ST18: variants seen among roughly 807,000 people sequenced by gnomAD.
The protein encoded by ST18 is ST18 C2H2C-type zinc finger transcription factor, also known as suppression of tumorigenicity 18 protein.
A neutral mutation model predicts 110.0 loss-of-function variants in ST18; 50 were observed. The observed-to-expected ratio is 0.45, with a 90% CI of 0.36 to 0.58. ST18 has a LOEUF of 0.58. ST18 is among the 20% of genes least tolerant of loss of function. The probability of loss-of-function intolerance (pLI) is 0.00; values close to 1 mark genes in which losing one functional copy is unlikely to be tolerated. For synonymous variants in ST18, 461 were observed against 452.4 expected, an observed-to-expected ratio of 1.02 and a Z score of -0.24; for missense variants, 1,306 against 1,280.1, an observed-to-expected ratio of 1.02 and a Z score of -0.31.
chr8:52,248,580 T>C (rs548582134), intron 2 of ST18: 1 of 152,334 alleles, frequency 6.6e-6, no homozygotes, highest in Admixed American at 6.5e-5. Flanking sequence ...TAAGACTTTC[T>C]GGCAACTTCC....
At chr8:52,312,381 A>G (rs908505884) in intron 2 of ST18, among the ~76,000 whole-genome samples, 1 of 152,192 alleles carries the variant, frequency 6.6e-6, no homozygotes, top group Non-Finnish European at 1.5e-5. Context: ...TTTCAAAGGA[A>G]TTTCTATAAC....
chr8:52,136,730 G>T, intron 18 of ST18, 72 bp from the exon 19 acceptor site: 1 of 1,293,056 alleles, frequency 7.7e-7, no homozygotes, highest in Non-Finnish European at 1.1e-6. Flanking sequence ...GGCATCCTGA[G>T]TCGTGAACAT....
intron 2 of ST18, among the ~76,000 whole-genome samples, chr8:52,280,009 T>C (rs1282847739): frequency 6.6e-6 from 1 of 152,058 alleles, no homozygotes; most frequent in Non-Finnish European, 1.5e-5. Flanking sequence ...TTGGGGGAAA[T>C]ATTAAAGTTT....
intron 2 of ST18, among the ~76,000 whole-genome samples, chr8:52,341,736 C>T (rs912447719): frequency 1.3e-5 from 2 of 152,186 alleles, no homozygotes; most frequent in South Asian, 2.1e-4. Flanking sequence ...GTGAGATTTT[C>T]CTTGCACTTC....
chr8:52,254,425 C>A (rs927761484), intron 2 of ST18: 2 of 152,272 alleles, frequency 1.3e-5, no homozygotes, highest in African/African-American at 4.8e-5. Context: ...CCTATTCAGA[C>A]CTTCTCAATA....
At chr8:52,136,725 C>G (rs2052537932) in intron 18 of ST18, 67 bp from the exon 19 acceptor site, 1 of 1,365,198 alleles carries the variant, frequency 7.3e-7, no homozygotes, top group Admixed American at 2.2e-5. Context: ...CAAATGGCAT[C>G]CTGAGTCGTG....
At chr8:52,326,992 C>T (rs1806741774) in intron 2 of ST18, among the ~76,000 whole-genome samples, 1 of 152,198 alleles carries the variant, frequency 6.6e-6, no homozygotes, top group South Asian at 2.1e-4. Context: ...CCCACTCTCT[C>T]AAAGTGCCAC....
chr8:52,359,322 C>G (rs565550567), intron 2 of ST18, among the ~76,000 whole-genome samples: 52 of 152,104 alleles, frequency 3.4e-4, no homozygotes, highest in Middle Eastern at 6.8e-3. Context: ...GAATTTTACA[C>G]TTTAAAGCTG....
At chr8:52,126,925 G>T (rs1052673002) in intron 22 of ST18, among the ~76,000 whole-genome samples, 1 of 152,138 alleles carries the variant, frequency 6.6e-6, no homozygotes, top group Non-Finnish European at 1.5e-5. Flanking sequence ...AAGAAAACTT[G>T]TTTTTCAACG....
intron 2 of ST18, among the ~76,000 whole-genome samples, chr8:52,315,703 T>C (rs889904619): frequency 1.3e-5 from 2 of 152,212 alleles, no homozygotes; most frequent in African/African-American, 4.8e-5. Context: ...GTAGTGCTGG[T>C]GAATGTTTGT....
chr8:52,310,961 G>A (rs1564467262), intron 2 of ST18, among the ~76,000 whole-genome samples: 2 of 152,192 alleles, frequency 1.3e-5, no homozygotes, highest in African/African-American at 2.4e-5. Context: ...AGGTAGTGTG[G>A]TGAGCACAGG....
intron 2 of ST18, among the ~76,000 whole-genome samples, chr8:52,234,728 GGTGTGT>G (rs3054614): frequency 8.8e-4 from 128 of 145,702 alleles, no homozygotes; most frequent in South Asian, 8.3e-3. Flanking sequence ...AAGAAACTAT[GGTGTGT>G]GTGTGTGTGT....
chr8:52,244,813 C>A (rs565343282), intron 2 of ST18, among the ~76,000 whole-genome samples: 1 of 152,088 alleles, frequency 6.6e-6, no homozygotes, highest in Non-Finnish European at 1.5e-5. Flanking sequence ...ATCAATAAAA[C>A]GAATAATCTT....
chr8:52,214,244 G>T lies in ST18; in HGVS notation c.14C>A (p.Ala5Asp). The T allele has an allele frequency of 6.2e-7, 1 of 1,614,032 alleles. No individual in the cohort carries two copies. The highest frequency in any genetic ancestry group is 1.7e-5 in the Admixed American group (1 of 60,024). Residue 5 changes from alanine to aspartate, a missense_variant, in exon 7 of 26, where the codon GCT becomes GAT. Coordinates refer to ENST00000689386, the MANE Select transcript of ST18 (RefSeq NM_001352837.2). ...GCGAGTACGCAGCGTTTTATCTTCA[G>T]CCTCTGCATCCATCTATAACATGAA... The part of the protein sequence containing the change: MDAE[A>D]EDKTLRTRSK...
intron 2 of ST18, among the ~76,000 whole-genome samples, chr8:52,292,539 G>A (rs552195821): frequency 1.6e-4 from 24 of 152,256 alleles, no homozygotes; most frequent in East Asian, 1.2e-3. Context: ...TGTGCCTATC[G>A]AACAGAATCT....
At chr8:52,369,304 T>A (rs1829366108) in intron 2 of ST18, among the ~76,000 whole-genome samples, 1 of 152,222 alleles carries the variant, frequency 6.6e-6, no homozygotes, top group South Asian at 2.1e-4. Flanking sequence ...GTTGTGGTCC[T>A]GTCACTAAGT....
At chr8:52,318,531 C>A (rs1234546970) in intron 2 of ST18, among the ~76,000 whole-genome samples, 1 of 152,186 alleles carries the variant, frequency 6.6e-6, no homozygotes, top group Non-Finnish European at 1.5e-5. Flanking sequence ...TTCAACCCAG[C>A]AATCCCATTA....
intron 11 of ST18, among the ~76,000 whole-genome samples, 158 bp downstream of exon 11, chr8:52,166,694 T>C (rs1408320835): frequency 6.6e-6 from 1 of 152,228 alleles, no homozygotes; most frequent in Non-Finnish European, 1.5e-5. Flanking sequence ...TTTCTATAAA[T>C]ACACTATATT....
chr8:52,377,514 C>A (rs2140763951), intron 2 of ST18, among the ~76,000 whole-genome samples: 1 of 152,300 alleles, frequency 6.6e-6, no homozygotes, highest in East Asian at 1.9e-4. Context: ...CTCAGCATCA[C>A]TAATCATCAG....
Sources: allele counts gnomAD v4.1 joint callset (sites outside exome capture counted in the v4.1 genomes callset), GRCh38; gene constraint gnomAD v4.1.1; transcripts MANE v1.5; gene names NCBI Gene and HGNC (gene_info 2026-07-23, HGNC 2026-07-21).